Variants in CNBD2 observed in about 807,000 individuals in gnomAD.
The protein encoded by CNBD2 is cyclic nucleotide-binding domain-containing protein 2.
In CNBD2, 64 loss-of-function variants were observed where a neutral mutation model predicts 63.7. The ratio of observed to expected loss-of-function variants is 1.00; its 90% confidence interval spans 0.82 to 1.24. The LOEUF is 1.24. Ranked by LOEUF, CNBD2 falls within the 50% of genes most tolerant of loss-of-function variation. The probability of loss-of-function intolerance (pLI) is 0.00; values close to 1 mark genes in which losing one functional copy is unlikely to be tolerated. For synonymous variants in CNBD2, 229 were observed against 255.4 expected (o/e 0.90, Z 0.99); for missense variants, 691 against 713.5 (o/e 0.97, Z 0.36).
intron 8 of CNBD2, among the ~76,000 whole-genome samples, chr20:36,006,681 C>G (rs1298772691): frequency 6.6e-6 from 1 of 152,150 alleles, no homozygotes. Context: ...CCTTCCAAAG[C>G]GTGGGATTAC....
upstream of CNBD2, among the ~76,000 whole-genome samples, chr20:35,968,173 C>T (rs6060728): frequency 6.6e-6 from 1 of 152,250 alleles, no homozygotes; most frequent in Middle Eastern, 3.4e-3. Context: ...AAGGGGCAGG[C>T]TAATGCAAAT....
chr20:35,987,295 G>A (rs969125247), intron 6 of CNBD2, 100 bp from the exon 7 acceptor site: 3 of 1,348,674 alleles, frequency 2.2e-6, no homozygotes, highest in Non-Finnish European at 3.1e-6. Flanking sequence ...TTCCACCCAG[G>A]CATCCTCCAC....
chr20:35,990,320 C>T (rs975911537), intron 7 of CNBD2, among the ~76,000 whole-genome samples: 2 of 152,122 alleles, frequency 1.3e-5, no homozygotes, highest in African/African-American at 2.4e-5. Context: ...AGAATGAAAT[C>T]GTCTAACAAT....
At chr20:36,027,558 A>G (rs1283298923) in intron 11 of CNBD2, among the ~76,000 whole-genome samples, 2 of 152,246 alleles carry the variant, frequency 1.3e-5, no homozygotes, top group Non-Finnish European at 2.9e-5. Flanking sequence ...TGTGAATTAG[A>G]AAAAGCAGCA....
chr20:36,029,207 T>G (rs1891154), intron 11 of CNBD2, among the ~76,000 whole-genome samples: 52,824 of 152,024 alleles, frequency 0.35, 13,487 homozygotes, highest in African/African-American at 0.72. Flanking sequence ...TCACATGCTT[T>G]CCCCCTCCTA....
chr20:36,023,110 C>CGGTTAGAGGAATTCCAT (rs1214192867), intron 10 of CNBD2, among the ~76,000 whole-genome samples: 1 of 152,144 alleles, frequency 6.6e-6, no homozygotes, highest in Non-Finnish European at 1.5e-5. Context: ...TCTAATTCCA[C>CGGTTAGAGGAATTCCAT]GGTTAGAGGA....
upstream of CNBD2, among the ~76,000 whole-genome samples, chr20:35,967,963 T>G (rs2056360443): frequency 6.6e-6 from 1 of 152,226 alleles, no homozygotes; most frequent in African/African-American, 2.4e-5. Flanking sequence ...GAGCCAGTGG[T>G]GTTAGACAGC....
At chr20:36,017,244 GCCTCCC>G (rs2057147641) in intron 10 of CNBD2, among the ~76,000 whole-genome samples, 1 of 152,066 alleles carries the variant, frequency 6.6e-6, no homozygotes. Context: ...TGGGCCTTCG[GCCTCCC>G]TGTGCCTGCA....
At position 35,975,934 on chromosome 20, in the gene CNBD2, C is replaced by T. The variant is rs6119688; in HGVS notation, c.190-15C>T. 3.1e-3 allele frequency: 5,019 copies of T among 1,611,174 alleles called. 115 individuals are homozygous for T. In the African/African-American group the frequency reaches 0.054, roughly 17 times the overall value. ...TTGCTGATTCTCCCTCTTCTCCCTGCCCTCTTTCTTTCAGAAAAAGATGCA... is the reference window on the plus strand; with the variant it reads ...TTGCTGATTCTCCCTCTTCTCCCTGTCCTCTTTCTTTCAGAAAAAGATGCA... On this transcript the variant is annotated splice_polypyrimidine_tract_variant and intron_variant, in intron 2 of 11. Coordinates refer to ENST00000373973, the MANE Select transcript of CNBD2 (RefSeq NM_001365709.1).
chr20:35,968,294 A>G (rs1341603), upstream of CNBD2, among the ~76,000 whole-genome samples: 40,552 of 151,894 alleles, frequency 0.27, 6,550 homozygotes, highest in African/African-American at 0.46. Context: ...TGGCACTGGT[A>G]GGAGTGTCTT....
chr20:35,971,503 C>T (rs975052513), intron 1 of CNBD2, among the ~76,000 whole-genome samples: 2 of 152,046 alleles, frequency 1.3e-5, no homozygotes, highest in Admixed American at 6.6e-5. Flanking sequence ...GCAACCTCTG[C>T]CTCCCAGGTT....
chr20:36,006,697 C>T (rs747795633), intron 8 of CNBD2, among the ~76,000 whole-genome samples: 8 of 152,138 alleles, frequency 5.3e-5, no homozygotes, highest in African/African-American at 1.4e-4. Flanking sequence ...ATTACAGTGG[C>T]GTGAGCCACT....
At chr20:36,002,133 G>A (rs547142982) in intron 8 of CNBD2, among the ~76,000 whole-genome samples, 6 of 152,258 alleles carry the variant, frequency 3.9e-5, no homozygotes, top group Non-Finnish European at 7.3e-5. Context: ...GCCGGACTCC[G>A]TCTGCAATCC....
intron 11 of CNBD2, among the ~76,000 whole-genome samples, chr20:36,025,367 C>G (rs899485750): frequency 1.3e-5 from 2 of 152,244 alleles, no homozygotes; most frequent in Non-Finnish European, 2.9e-5. Context: ...CAGGTTCTCA[C>G]TCTGTTCCCC....
chr20:36,000,175 C>A (rs1034678990), intron 8 of CNBD2, among the ~76,000 whole-genome samples: 2 of 152,210 alleles, frequency 1.3e-5, no homozygotes, highest in African/African-American at 4.8e-5. Flanking sequence ...ATTATTTCAG[C>A]TTTTCTATGT....
intron 10 of CNBD2, among the ~76,000 whole-genome samples, chr20:36,018,070 A>C (rs140451511): frequency 1.3e-5 from 2 of 152,340 alleles, no homozygotes; most frequent in Non-Finnish European, 2.9e-5. Context: ...CCCTGTTATT[A>C]ACATCTTACA....
In CNBD2 at chr20:36,030,582, C is replaced by A; in HGVS notation, c.1665C>A (p.Leu555=). The A allele has an allele frequency of 1.9e-6, 3 of 1,614,114 alleles. No homozygotes were observed. The highest frequency in any genetic ancestry group is 2.5e-6 in the Non-Finnish European group (3 of 1,180,014). The change falls in exon 12 of 12, where the codon CTC becomes CTA. Residue 555 remains leucine (L), a synonymous_variant. Transcript: ENST00000373973. The part of the protein sequence containing the change: ...YPIFMAPQKY[L]PPLRIVQAIK... ...TTTTTATGGCACCCCAGAAATACCT[C>A]CCCCCATTGAGGATTGTCCAAGCCA...
chr20:36,008,186 C>T, intron 8 of CNBD2, 111 bp from the exon 9 acceptor site: 1 of 821,340 alleles, frequency 1.2e-6, no homozygotes, highest in Non-Finnish European at 1.9e-6. Flanking sequence ...AAAATTTCCC[C>T]ATGTGCTAGA....
At position 35,984,708 on chromosome 20, in the gene CNBD2, G is replaced by T. The variant is rs778699165; in HGVS notation, c.646G>T (p.Glu216Ter). The change falls in exon 6 of 12, where the codon GAG (glutamate) becomes TAG (stop). Residue 216 changes from glutamate to a stop codon, truncating the protein, a stop_gained. Transcript: ENST00000373973. LOFTEE classifies it high-confidence loss of function. ...AACGGAGTTCCTGGTTGTTGACCGGGAGGACTTCTTTGCTAATAAGCTGGA... is the reference window on the plus strand; with the variant it reads ...AACGGAGTTCCTGGTTGTTGACCGGTAGGACTTCTTTGCTAATAAGCTGGA... Reference protein sequence around the residue: ...EETEFLVVDREDFFANKLDQE... With the variant: ...EETEFLVVDR 5 of 1,614,086 alleles carry T rather than the reference G, an allele frequency of 3.1e-6. No individual in the cohort carries two copies. Among genetic ancestry groups the T allele is most frequent in the Non-Finnish European group, 4.2e-6 (5 of 1,180,030 alleles).
Sources: gnomAD v4.1 joint callset for allele counts (sites outside exome capture counted in the v4.1 genomes callset) on GRCh38, gnomAD v4.1.1 for gene constraint, MANE v1.5 for transcripts, NCBI Gene and HGNC (gene_info 2026-07-23, HGNC 2026-07-21) for gene names.